The following LPP variants were observed in gnomAD, a reference collection of about 807,000 sequenced individuals.
The protein encoded by LPP is LIM domain containing preferred translocation partner in lipoma.
LPP carries 38 observed loss-of-function variants against 60.4 expected under a neutral mutation model. That is an observed-to-expected ratio of 0.63 (90% CI 0.49 to 0.83). LPP has a LOEUF of 0.83. LPP is among the 40% of genes least tolerant of loss of function. The probability of loss-of-function intolerance (pLI) is 0.00; values close to 1 mark genes in which losing one functional copy is unlikely to be tolerated. For synonymous variants in LPP, 328 were observed against 290.8 expected, an observed-to-expected ratio of 1.13 and a Z score of -1.30; for missense variants, 902 against 783.6, an observed-to-expected ratio of 1.15 and a Z score of -1.80.
intron 7 of LPP, among the ~76,000 whole-genome samples, chr3:188,640,445 C>G (rs1323992845): frequency 6.7e-6 from 1 of 149,122 alleles, no homozygotes; most frequent in East Asian, 2.0e-4. Flanking sequence ...GTGCAGCGCA[C>G]CAGCATGGCA....
chr3:188,257,952 T>C (rs1331882995), intron 2 of LPP, among the ~76,000 whole-genome samples: 1 of 152,246 alleles, frequency 6.6e-6, no homozygotes, highest in Admixed American at 6.5e-5. Context: ...AGCCTGTAAA[T>C]TGAATTCCAC....
chr3:188,204,205 G>A lies in LPP; in HGVS notation c.-189-21200G>A, dbSNP rs145015519. 3.3e-4 allele frequency among the ~76,000 whole-genome samples: 50 copies of A among 152,238 alleles called. 1 individual carries two copies. The East Asian group carries it at 9.5e-3, about 29-fold the overall frequency. The stretch of plus-strand genomic sequence containing the variant: ...AAGTTTTGAGTCCTGTGGAATTGAG[G>A]GTGCACTCCTGCCTGGGGCCAGGGG... On this transcript the variant is annotated intron_variant, in intron 1 of 11. Coordinates refer to ENST00000617246, the MANE Select transcript of LPP (RefSeq NM_001375462.1).
chr3:188,198,933 A>T (rs1288989649), intron 1 of LPP, among the ~76,000 whole-genome samples: 1 of 152,214 alleles, frequency 6.6e-6, no homozygotes, highest in Non-Finnish European at 1.5e-5. Context: ...ACTCAGTGGT[A>T]TACAACAATC....
chr3:188,180,729 A>G (rs1253637568), intron 1 of LPP: 1 of 151,852 alleles, frequency 6.6e-6, no homozygotes, highest in Non-Finnish European at 1.5e-5. Context: ...ACTAAATATT[A>G]CTATATAAAC....
At chr3:188,289,747 T>C (rs929833425) in intron 2 of LPP, among the ~76,000 whole-genome samples, 1 of 152,156 alleles carries the variant, frequency 6.6e-6, no homozygotes, top group Non-Finnish European at 1.5e-5. Context: ...AGAACCTGGA[T>C]GTTTAGAGAG....
chr3:188,670,614 C>T (rs1454200190), intron 7 of LPP, among the ~76,000 whole-genome samples: 1 of 152,136 alleles, frequency 6.6e-6, no homozygotes, highest in Non-Finnish European at 1.5e-5. Context: ...TCATGTTGAA[C>T]TAAACTCACC....
intron 2 of LPP, among the ~76,000 whole-genome samples, chr3:188,227,294 G>A (rs138178091): frequency 0.018 from 2,729 of 149,376 alleles, 41 homozygotes; most frequent in South Asian, 0.029. Context: ...CCACTAACTC[G>A]TCATCTAGCA....
At chr3:188,292,309 A>G (rs1746267189) in intron 2 of LPP, among the ~76,000 whole-genome samples, 1 of 152,246 alleles carries the variant, frequency 6.6e-6, no homozygotes, top group South Asian at 2.1e-4. Flanking sequence ...AGAAATTTTA[A>G]GTGAAATAAG....
At chr3:188,232,510 T>A (rs796494002) in intron 2 of LPP, among the ~76,000 whole-genome samples, 2,495 of 105,860 alleles carry the variant, frequency 0.024, 77 homozygotes, top group African/African-American at 0.093. Context: ...GGCTATTTTT[T>A]TTTTTTTTTT....
In LPP at chr3:188,821,888, T is replaced by G. The variant is rs527702793; in HGVS notation, c.1411-44312T>G. ...GCAGACAACATCCTTAAACAACTTT[T>G]GTGTGACTAATCCAATTTTTTTCCT... On this transcript the variant is annotated intron_variant, in intron 9 of 11. Transcript: ENST00000617246. Among the ~76,000 whole-genome samples the G allele has an allele frequency of 4.6e-5, 7 of 152,278 alleles. No individual in the cohort carries two copies. In the South Asian group the frequency reaches 1.4e-3, roughly 32 times the overall value.
intron 7 of LPP, among the ~76,000 whole-genome samples, chr3:188,616,975 T>TTAA (rs1844964081): frequency 6.6e-6 from 1 of 152,220 alleles, no homozygotes; most frequent in South Asian, 2.1e-4. Context: ...CTAGCTTCTT[T>TTAA]AATAAGACTT....
At chr3:188,563,369 A>ACTCTTTTTCC (rs1273717369) in intron 6 of LPP, among the ~76,000 whole-genome samples, 1 of 149,824 alleles carries the variant, frequency 6.7e-6, no homozygotes, top group Non-Finnish European at 1.5e-5. Context: ...GCCAACCCCA[A>ACTCTTTTTCC]CTCTTTTTCC....
At chr3:188,530,552 G>C (rs1455122224) in intron 6 of LPP, among the ~76,000 whole-genome samples, 5 of 152,122 alleles carry the variant, frequency 3.3e-5, no homozygotes, top group Non-Finnish European at 7.3e-5. Context: ...TGCCCAGAGA[G>C]GGAAAGAACA....
intron 7 of LPP, among the ~76,000 whole-genome samples, chr3:188,661,139 G>A (rs528313463): frequency 5.9e-5 from 9 of 152,172 alleles, no homozygotes; most frequent in Admixed American, 5.9e-4. Context: ...ATACATTCAA[G>A]GTTCATCCAT....
At position 188,203,074 on chromosome 3, in the gene LPP, TATA is replaced by T. The variant is rs570139927; in HGVS notation, c.-189-22325_-189-22323del. ...ATAATAAAAATATTTATTATAATTA[TATA>T]ATAATTAAATTATAGTAAAAATATT... On this transcript the variant is annotated intron_variant, in intron 1 of 11. Transcript: ENST00000617246. Among the ~76,000 whole-genome samples, 172 of 144,176 alleles carry T rather than the reference TATA, an allele frequency of 1.2e-3. No individual in the cohort carries two copies. The Middle Eastern group carries it at 0.022, about 18-fold the overall frequency. 94.6% of individuals were successfully genotyped at this position (144,176 alleles called of 152,430 possible). A position where few individuals can be genotyped will look rare whatever the true frequency, so the allele number is the denominator to read the frequency against.
At chr3:188,220,036 A>G (rs1159820644) in intron 1 of LPP, among the ~76,000 whole-genome samples, 1 of 152,186 alleles carries the variant, frequency 6.6e-6, no homozygotes, top group Non-Finnish European at 1.5e-5. Flanking sequence ...TGTATGCTGC[A>G]TATGAGCATG....
intron 6 of LPP, among the ~76,000 whole-genome samples, chr3:188,543,318 G>T (rs987092318): frequency 3.3e-5 from 5 of 151,538 alleles, no homozygotes; most frequent in African/African-American, 1.2e-4. Context: ...TGTTCTTTTT[G>T]CCATGCAACA....
intron 4 of LPP, among the ~76,000 whole-genome samples, chr3:188,424,135 A>G (rs1200151228): frequency 1.3e-5 from 2 of 152,120 alleles, no homozygotes; most frequent in East Asian, 3.9e-4. Flanking sequence ...TTTTTGTATA[A>G]GGTGTAAGGA....
chr3:188,469,030 G>GGAAGT (rs1801132613), intron 4 of LPP, among the ~76,000 whole-genome samples: 1 of 152,118 alleles, frequency 6.6e-6, no homozygotes, highest in East Asian at 1.9e-4. Flanking sequence ...CCTAATCTGA[G>GGAAGT]GAAGTGAAGA....
Sources: gnomAD v4.1 joint callset for allele counts (sites outside exome capture counted in the v4.1 genomes callset) on GRCh38, gnomAD v4.1.1 for gene constraint, MANE v1.5 for transcripts, NCBI Gene and HGNC (gene_info 2026-07-23, HGNC 2026-07-21) for gene names.